Variants in C16orf92 observed in about 807,000 individuals in gnomAD.
C16orf92 encodes fertilization-influencing membrane protein 1, also known as fertilization-influencing membrane protein.
C16orf92 carries 14 observed loss-of-function variants against 13.7 expected under a neutral mutation model. The ratio of observed to expected loss-of-function variants is 1.02; its 90% CI spans 0.67 to 1.60. The LOEUF is 1.60. C16orf92 is among the 40% of genes most tolerant of loss of function. The pLI is 0.00. For missense variants in C16orf92, 116 were observed against 139.0 expected (o/e 0.83, Z 0.83); for synonymous variants, 50 against 57.4 (o/e 0.87, Z 0.58).
At chr16:30,024,828 T>G, downstream of C16orf92, 1 of 239,982 alleles carries the variant, frequency 4.2e-6, no homozygotes, top group Non-Finnish European at 7.9e-6. Flanking sequence ...GATGGCAGCA[T>G]AGGGGCTGGG....
downstream of C16orf92, chr16:30,025,613 C>T (rs544047026): frequency 8.2e-6 from 12 of 1,466,322 alleles, no homozygotes; most frequent in East Asian, 2.3e-5. The surrounding 1 kb of genome is among the most constrained non-coding windows in gnomAD (Gnocchi z 4.1). Context: ...TCAAAATGCA[C>T]GGGGTGAGGG....
chr16:30,023,663 C>T (rs767579614), intron 1 of C16orf92, 64 bp from the exon 2 acceptor site: 26 of 1,613,734 alleles, frequency 1.6e-5, no homozygotes, highest in Non-Finnish European at 2.1e-5. Flanking sequence ...AAGTCAGCTT[C>T]CGCCTCGAGA....
rs1344159299 is a variant in C16orf92 at position 30,023,365 on chromosome 16, G to A, written c.25G>A (p.Val9Met). MRLWPWVL[V>M]WVWLAALGAI... ...CATGAGGCTGTGGCCATGGGTGCTGGTGTGGGTGTGGCTGGCTGCACTAGG... is the reference window on the plus strand; with the variant it reads ...CATGAGGCTGTGGCCATGGGTGCTGATGTGGGTGTGGCTGGCTGCACTAGG... Residue 9 changes from valine to methionine, a missense_variant, in exon 1 of 4, where the codon GTG becomes ATG. Physicochemically the swap from Val to Met is conservative, Grantham distance 21. Transcript: ENST00000681219. 1.2e-6 allele frequency: 2 copies of A among 1,609,930 alleles called. No homozygotes were observed. The highest frequency in any genetic ancestry group is 2.2e-5 in the South Asian group (2 of 89,988).
At chr16:30,025,543 G>A (rs533808156), downstream of C16orf92, 91 of 1,572,638 alleles carry the variant, frequency 5.8e-5, 1 homozygote, top group Admixed American at 6.7e-4. This position sits in a 1 kb window ranked among gnomAD's most constrained non-coding sequence, Gnocchi z 4.1. Context: ...GCCTCCCTGC[G>A]ACCCTAGCAG....
chr16:30,023,891 AACCAGCTTGAGAAGGG>A lies in C16orf92; in HGVS notation c.223+10_223+25del, dbSNP rs1320702795. ...CATCGTGTTCATTAACTCAGGTATG[AACCAGCTTGAGAAGGG>A]ACCTCCCTCCCCGCCAGGGTCTGGA... On this transcript the variant is annotated splice_region_variant and intron_variant, in intron 2 of 3. Transcript: ENST00000681219. The A allele has an allele frequency of 6.2e-7, 1 of 1,608,952 alleles. No individual in the cohort carries two copies. The highest frequency in any genetic ancestry group is 1.1e-5 in the South Asian group (1 of 90,970).
chr16:30,025,555 C>T (rs1464032958), downstream of C16orf92: 1 of 1,548,926 alleles, frequency 6.5e-7, no homozygotes, highest in African/African-American at 1.4e-5. The surrounding 1 kb of genome is among the most constrained non-coding windows in gnomAD (Gnocchi z 4.1). Context: ...CCCTAGCAGG[C>T]AGCTCCTCCC....
Position 30,023,893 on chromosome 16 carries a change from C to A in C16orf92, c.223+8C>A. On this transcript the variant is annotated splice_region_variant and intron_variant, in intron 2 of 3. Transcript: ENST00000681219. ...TCGTGTTCATTAACTCAGGTATGAA[C>A]CAGCTTGAGAAGGGACCTCCCTCCC... is the stretch of plus-strand genomic sequence containing the variant. The A allele has an allele frequency of 6.2e-7, 1 of 1,608,170 alleles. No individual in the cohort carries two copies. The highest frequency in any genetic ancestry group is 8.5e-7 in the Non-Finnish European group (1 of 1,174,574).
chr16:30,025,483 C>T (rs2071080067), downstream of C16orf92: 10 of 1,610,492 alleles, frequency 6.2e-6, no homozygotes, highest in East Asian at 2.2e-4. The surrounding 1 kb of genome is among the most constrained non-coding windows in gnomAD (Gnocchi z 4.1). Flanking sequence ...GAGACACAGA[C>T]ACAGTGGCCA....
downstream of C16orf92, chr16:30,026,891 C>T (rs200122906): frequency 7.2e-6 from 11 of 1,518,308 alleles, no homozygotes; most frequent in Middle Eastern, 1.7e-4. Context: ...AAAGGGGACA[C>T]CAGTGATTGG....
In C16orf92 at chr16:30,024,187, T is replaced by G; in HGVS notation, c.312-19T>G. 1 of 1,613,980 alleles carries G rather than the reference T, an allele frequency of 6.2e-7. No homozygotes were observed. Among genetic ancestry groups the G allele is most frequent in the African/African-American group, 1.3e-5 (1 of 75,040 alleles). Reference sequence around the variant, plus strand: ...GGGGCAGGCTGTGACCTCTCCCCTCTGATCTCCATGCCCCACAGAAACTTC... The same window carrying G: ...GGGGCAGGCTGTGACCTCTCCCCTCGGATCTCCATGCCCCACAGAAACTTC... On this transcript the variant is annotated intron_variant, in intron 3 of 3. Coordinates refer to ENST00000681219, the MANE Select transcript of C16orf92 (RefSeq NM_001109659.2).
chr16:30,025,701 C>T, downstream of C16orf92: 2 of 1,611,956 alleles, frequency 1.2e-6, no homozygotes, highest in South Asian at 1.1e-5. The surrounding 1 kb of genome is among the most constrained non-coding windows in gnomAD (Gnocchi z 4.1). Flanking sequence ...CCATTGGGCT[C>T]CTGCACCCTC....
downstream of C16orf92, chr16:30,026,820 G>T (rs374049019): frequency 6.2e-7 from 1 of 1,613,994 alleles, no homozygotes; most frequent in Non-Finnish European, 8.5e-7. Flanking sequence ...AGCAAATTGC[G>T]TGTAGGCAGA....
chr16:30,027,555 C>T, downstream of C16orf92: 1 of 456,090 alleles, frequency 2.2e-6, no homozygotes, highest in South Asian at 1.5e-5. Flanking sequence ...GCTGTTCGCC[C>T]TGCCCCAAAG....
rs2070993279 is a variant in C16orf92 at position 30,024,410 on chromosome 16, G to A, written c.*183G>A. 1 of 822,728 alleles carries A rather than the reference G, an allele frequency of 1.2e-6. No homozygotes were observed. Among genetic ancestry groups the A allele is most frequent in the African/African-American group, 1.7e-5 (1 of 57,896 alleles). The allele number at this position is 822,728 out of a possible 1,614,324, so 51.0% of individuals were successfully genotyped here. Reference sequence around the variant, plus strand: ...CTCCCTTCCCAGCCCCAAAGAACTTGGTGGCAAGGGCCTTGGTGGCGTTCA... The same window carrying A: ...CTCCCTTCCCAGCCCCAAAGAACTTAGTGGCAAGGGCCTTGGTGGCGTTCA... On this transcript the variant is annotated 3_prime_UTR_variant, in exon 4 of 4. Transcript: ENST00000681219.
Position 30,024,099 on chromosome 16 carries a change from C to T in C16orf92, c.311+13C>T. On this transcript the variant is annotated intron_variant, in intron 3 of 3. Coordinates refer to ENST00000681219, the MANE Select transcript of C16orf92 (RefSeq NM_001109659.2). ...TCTGCACCCACATGTAAGGCCTGCCCCCTTTCTCCAACCCCACCCACCACC... is the reference window on the plus strand; with the variant it reads ...TCTGCACCCACATGTAAGGCCTGCCTCCTTTCTCCAACCCCACCCACCACC... The T allele has an allele frequency of 6.2e-7, 1 of 1,611,208 alleles. No individual in the cohort carries two copies. The highest frequency in any genetic ancestry group is 8.5e-7 in the Non-Finnish European group (1 of 1,177,374).
Position 30,024,374 on chromosome 16 carries a change from C to G in C16orf92, c.*147C>G. The G allele has an allele frequency of 9.2e-7, 1 of 1,086,734 alleles. No individual in the cohort carries two copies. The highest frequency in any genetic ancestry group is 2.8e-5 in the Admixed American group (1 of 36,094). The allele number at this position is 1,086,734 out of a possible 1,614,324, so 67.3% of individuals were successfully genotyped here. On this transcript the variant is annotated 3_prime_UTR_variant, in exon 4 of 4. Coordinates refer to ENST00000681219, the MANE Select transcript of C16orf92 (RefSeq NM_001109659.2). ...TCCCCTCTGTTTCCCATGGCCCAAG[C>G]CCCCCACCTCCTCCCTTCCCAGCCC... is the stretch of plus-strand genomic sequence containing the variant.
downstream of C16orf92, chr16:30,027,098 GGAAAA>G (rs754975943): frequency 4.6e-5 from 28 of 602,726 alleles, no homozygotes; most frequent in South Asian, 1.2e-4. Flanking sequence ...TATAGTCGGG[GGAAAA>G]GAAAAGACCA....
At chr16:30,024,166 C>A (rs758826180) in intron 3 of C16orf92, 40 bp from the exon 4 acceptor site, 1 of 1,613,148 alleles carries the variant, frequency 6.2e-7, no homozygotes, top group Admixed American at 1.7e-5. Context: ...TCTAGCGGGG[C>A]AGGCTGTGAC....
At chr16:30,026,552 A>T, downstream of C16orf92, 1 of 1,468,286 alleles carries the variant, frequency 6.8e-7, no homozygotes, top group South Asian at 1.2e-5. Flanking sequence ...TGCCAGCACC[A>T]GCAGGACCAA....
Sources: allele counts gnomAD v4.1 joint callset, GRCh38; gene constraint gnomAD v4.1.1; non-coding constraint Gnocchi (gnomAD v3.1); transcripts MANE v1.5; gene names NCBI Gene and HGNC (gene_info 2026-07-23, HGNC 2026-07-21).